Variants in MTAP observed in about 807,000 individuals in gnomAD.
MTAP encodes the protein methylthioadenosine phosphorylase.
MTAP carries 33 observed loss-of-function variants against 33.6 expected under a neutral mutation model. The ratio of observed to expected loss-of-function variants is 0.98; its 90% CI spans 0.74 to 1.31. MTAP has a LOEUF of 1.31. MTAP is among the 40% of genes most tolerant of loss of function. The pLI, the probability that MTAP is intolerant of heterozygous loss-of-function variation, is 0.00. For synonymous variants in MTAP, 148 were observed against 125.7 expected (o/e 1.18, Z -1.19); for missense variants, 367 against 360.0 (o/e 1.02, Z -0.16).
chr9:21,882,178 C>T (rs987051343), intron 1 of MTAP, among the ~76,000 whole-genome samples: 1 of 151,714 alleles, frequency 6.6e-6, no homozygotes, highest in African/African-American at 2.4e-5. Flanking sequence ...GACTCATCAC[C>T]ATATTAAAAA....
downstream of MTAP, among the ~76,000 whole-genome samples, chr9:21,938,145 GTGCC>G (rs1262682189): frequency 6.6e-6 from 1 of 152,072 alleles, no homozygotes. Flanking sequence ...ATGGCGGCGT[GTGCC>G]TGTAGTTCCA....
intron 6 of MTAP, among the ~76,000 whole-genome samples, chr9:21,857,736 A>G (rs1324788992): frequency 6.6e-6 from 1 of 152,248 alleles, no homozygotes; most frequent in Non-Finnish European, 1.5e-5. Flanking sequence ...TAACATGAGC[A>G]CATTATCATT....
At chr9:21,927,110 C>G (rs932008294) in intron 1 of MTAP, among the ~76,000 whole-genome samples, 16 of 152,162 alleles carry the variant, frequency 1.1e-4, no homozygotes, top group South Asian at 2.1e-4. Flanking sequence ...TCTCACAAGC[C>G]CTAGCCCTTG....
chr9:21,918,940 G>A (rs559455483), intron 1 of MTAP, among the ~76,000 whole-genome samples: 1 of 152,256 alleles, frequency 6.6e-6, no homozygotes, highest in South Asian at 2.1e-4. Flanking sequence ...AATGATACCT[G>A]TACTAGAATC....
intron 1 of MTAP, among the ~76,000 whole-genome samples, chr9:21,881,676 T>C (rs1310248916): frequency 6.6e-6 from 1 of 151,924 alleles, no homozygotes; most frequent in Non-Finnish European, 1.5e-5. Flanking sequence ...CAAAACCACA[T>C]TGAGATATCA....
At chr9:21,898,429 A>G (rs1269991001) in intron 1 of MTAP, among the ~76,000 whole-genome samples, 3 of 152,244 alleles carry the variant, frequency 2.0e-5, no homozygotes, top group East Asian at 1.9e-4. Flanking sequence ...AGAAACTACT[A>G]TCAGAGTGAA....
chr9:21,856,535 G>A (rs773254141), intron 6 of MTAP, among the ~76,000 whole-genome samples: 3 of 152,186 alleles, frequency 2.0e-5, no homozygotes, highest in Non-Finnish European at 4.4e-5. Flanking sequence ...TCCAGCCCCT[G>A]CCACACCCTG....
At position 21,865,705 on chromosome 9, in the gene MTAP, G is replaced by A. The variant is rs961478646; in HGVS notation, c.*3691G>A. The A allele has an allele frequency of 9.7e-6, 10 of 1,030,850 alleles. No individual in the cohort carries two copies. The highest frequency in any genetic ancestry group is 8.5e-5 in the African/African-American group (5 of 58,736). 63.9% of individuals were successfully genotyped at this position (1,030,850 alleles called of 1,614,324 possible). A position where few individuals can be genotyped will look rare whatever the true frequency, so the allele number is the denominator to read the frequency against. On this transcript the variant is annotated 3_prime_UTR_variant, in exon 8 of 8. Transcript: ENST00000644715. ...GGTAGTCCAGAAGAAGCTGTTTCAG[G>A]GCCTGTTGCCAGCTATGCCTTTGAG...
intron 1 of MTAP, among the ~76,000 whole-genome samples, chr9:21,911,009 C>T (rs930187472): frequency 1.3e-5 from 2 of 152,100 alleles, no homozygotes; most frequent in African/African-American, 4.8e-5. Context: ...GACTTTAAAC[C>T]AACAAAGATC....
chr9:21,845,502 G>C (rs910568618), intron 5 of MTAP, among the ~76,000 whole-genome samples: 7 of 152,112 alleles, frequency 4.6e-5, no homozygotes, highest in African/African-American at 9.7e-5. Context: ...ACAGAACACT[G>C]CTGAAAGAAA....
At chr9:21,891,412 A>G (rs966463969) in intron 1 of MTAP, among the ~76,000 whole-genome samples, 9 of 152,198 alleles carry the variant, frequency 5.9e-5, no homozygotes, top group Non-Finnish European at 7.3e-5. Flanking sequence ...ATGATACAAG[A>G]GCTAAAAGAT....
chr9:21,844,203 C>A (rs1825320250), intron 5 of MTAP, among the ~76,000 whole-genome samples: 1 of 152,052 alleles, frequency 6.6e-6, no homozygotes, highest in Non-Finnish European at 1.5e-5. Context: ...CCTAAACAGA[C>A]CAATAACAAG....
intron 5 of MTAP, among the ~76,000 whole-genome samples, chr9:21,852,215 A>G (rs1825529959): frequency 6.6e-6 from 1 of 152,158 alleles, no homozygotes; most frequent in South Asian, 2.1e-4. Context: ...AGGCATAAGA[A>G]TGATATAATA....
intron 1 of MTAP, among the ~76,000 whole-genome samples, chr9:21,920,182 G>C (rs762764456): frequency 6.6e-6 from 1 of 152,082 alleles, no homozygotes; most frequent in African/African-American, 2.4e-5. Flanking sequence ...AATGGGAGTG[G>C]CTGGTGTCTT....
intron 1 of MTAP, among the ~76,000 whole-genome samples, chr9:21,876,148 A>T (rs1826005277): frequency 6.6e-6 from 1 of 151,904 alleles, no homozygotes; most frequent in Non-Finnish European, 1.5e-5. Context: ...TTAAAGTATG[A>T]TTGTTGGCCA....
At chr9:21,906,720 G>T (rs1477578413) in intron 1 of MTAP, among the ~76,000 whole-genome samples, 1 of 152,060 alleles carries the variant, frequency 6.6e-6, no homozygotes, top group Non-Finnish European at 1.5e-5. Context: ...TAAATTAAAA[G>T]CAACTAAAGA....
chr9:21,919,729 G>T (rs1025914506), intron 1 of MTAP, among the ~76,000 whole-genome samples: 1 of 152,230 alleles, frequency 6.6e-6, no homozygotes, highest in Non-Finnish European at 1.5e-5. Flanking sequence ...TCATAGCTTA[G>T]AGGTCAAGGT....
chr9:21,847,470 C>A (rs1825411081), intron 5 of MTAP, among the ~76,000 whole-genome samples: 1 of 152,138 alleles, frequency 6.6e-6, no homozygotes, highest in Non-Finnish European at 1.5e-5. Flanking sequence ...ATGGATAACA[C>A]CAATAGTCCT....
intron 4 of MTAP, among the ~76,000 whole-genome samples, chr9:21,827,695 G>A (rs1040876933): frequency 6.6e-6 from 1 of 152,158 alleles, no homozygotes; most frequent in Non-Finnish European, 1.5e-5. Flanking sequence ...ACCCACAACA[G>A]TTCCTGGCCC....
Sources: allele counts gnomAD v4.1 joint callset (sites outside exome capture counted in the v4.1 genomes callset), GRCh38; gene constraint gnomAD v4.1.1; transcripts MANE v1.5; gene names NCBI Gene and HGNC (gene_info 2026-07-23, HGNC 2026-07-21).